Variants in RBMS3 observed in about 807,000 individuals in gnomAD.
The protein encoded by RBMS3 is RNA binding motif single stranded interacting protein 3.
In RBMS3, 27 loss-of-function variants were observed where a neutral mutation model predicts 66.8. The observed-to-expected ratio is 0.40, with a 90% CI of 0.30 to 0.56. The LOEUF is 0.56. RBMS3 is among the 20% of genes least tolerant of loss of function. RBMS3 has a pLI of 0.40. For synonymous variants in RBMS3, 188 were observed against 183.0 expected, an observed-to-expected ratio of 1.03 and a Z score of -0.22; for missense variants, 513 against 549.5, an observed-to-expected ratio of 0.93 and a Z score of 0.66.
At chr3:29,769,166 A>AAATTTAGC (rs1198840548) in intron 6 of RBMS3, among the ~76,000 whole-genome samples, 1 of 151,828 alleles carries the variant, frequency 6.6e-6, no homozygotes, top group Non-Finnish European at 1.5e-5. Context: ...GCCAGGGTTG[A>AAATTTAGC]AATTTAGCAA....
In RBMS3 at chr3:29,936,180, TG is replaced by T; in HGVS notation, c.1037del (p.Gly346AlafsTer13). 6.2e-7 allele frequency: 1 copy of T among 1,612,984 alleles called. No individual in the cohort carries two copies. Among genetic ancestry groups the T allele is most frequent in the Non-Finnish European group, 8.5e-7 (1 of 1,179,388 alleles). ...PLTQQMNHLSLGTTGTIQSQD... is the reference protein window; with the variant it reads ...PLTQQMNHLSXGTTGTIQSQD... ...ACACAGCAGATGAATCACCTTTCGT[TG>T]GGCACAACAGGAACGGTGAGTTGAA... On this transcript the variant is annotated frameshift_variant, in exon 11 of 15. Coordinates refer to ENST00000383767, the MANE Select transcript of RBMS3 (RefSeq NM_001003793.3). LOFTEE classifies it high-confidence loss of function.
chr3:29,482,709 T>TC (rs1249879783), intron 2 of RBMS3, among the ~76,000 whole-genome samples: 16 of 104,212 alleles, frequency 1.5e-4, no homozygotes, highest in African/African-American at 2.4e-4. Context: ...TTCTTTTTTT[T>TC]TTTTTTTTTT....
intron 3 of RBMS3, among the ~76,000 whole-genome samples, chr3:29,511,397 G>A (rs1476529983): frequency 6.6e-6 from 1 of 152,134 alleles, no homozygotes; most frequent in African/African-American, 2.4e-5. Context: ...ATATGAACAG[G>A]CGATAGCATA....
chr3:29,369,081 T>G (rs1375941538), intron 1 of RBMS3, among the ~76,000 whole-genome samples: 1 of 152,102 alleles, frequency 6.6e-6, no homozygotes, highest in Non-Finnish European at 1.5e-5. Flanking sequence ...AAATACCATA[T>G]GTTCTCACTT....
intron 6 of RBMS3, among the ~76,000 whole-genome samples, chr3:29,838,288 A>G (rs2058578481): frequency 6.6e-6 from 1 of 151,922 alleles, no homozygotes; most frequent in South Asian, 2.1e-4. Flanking sequence ...GCAGTGAGAC[A>G]TGAGTGTGCC....
chr3:29,728,103 A>G (rs564409008), intron 4 of RBMS3, among the ~76,000 whole-genome samples: 2 of 152,254 alleles, frequency 1.3e-5, no homozygotes, highest in East Asian at 1.9e-4. Context: ...AACTCACACA[A>G]GAACAGAAAA....
intron 4 of RBMS3, among the ~76,000 whole-genome samples, chr3:29,603,477 A>G (rs974641996): frequency 4.6e-5 from 7 of 151,930 alleles, no homozygotes; most frequent in African/African-American, 7.2e-5. Flanking sequence ...ACCATAGAGG[A>G]CATTTGGCAA....
At chr3:29,946,759 A>G (rs1695343294) in intron 12 of RBMS3, among the ~76,000 whole-genome samples, 1 of 151,644 alleles carries the variant, frequency 6.6e-6, no homozygotes. Flanking sequence ...AGAGATTTGG[A>G]AAACTATGGC....
At chr3:29,744,407 A>G (rs2054780985) in intron 5 of RBMS3, among the ~76,000 whole-genome samples, 1 of 152,196 alleles carries the variant, frequency 6.6e-6, no homozygotes. Flanking sequence ...TATTAGAAAA[A>G]TCTGTGGTAG....
At chr3:29,348,151 T>C (rs1261984981) in intron 1 of RBMS3, among the ~76,000 whole-genome samples, 1 of 152,212 alleles carries the variant, frequency 6.6e-6, no homozygotes, top group Non-Finnish European at 1.5e-5. Context: ...TGCTGCATAC[T>C]TGAAATTTAC....
chr3:29,444,164 T>G (rs1424812539), intron 2 of RBMS3, among the ~76,000 whole-genome samples: 1 of 152,124 alleles, frequency 6.6e-6, no homozygotes, highest in Admixed American at 6.6e-5. Flanking sequence ...AAATCCATAT[T>G]GATGAGACAA....
chr3:29,597,392 G>C (rs552789288), intron 4 of RBMS3, among the ~76,000 whole-genome samples: 21 of 152,268 alleles, frequency 1.4e-4, no homozygotes, highest in Non-Finnish European at 2.9e-4. Flanking sequence ...ACACTATGAT[G>C]TGTATCACTT....
chr3:29,899,328 A>T (rs1414437611), intron 9 of RBMS3, among the ~76,000 whole-genome samples: 1 of 151,698 alleles, frequency 6.6e-6, no homozygotes, highest in Non-Finnish European at 1.5e-5. Flanking sequence ...AAAAAGAGAA[A>T]GTCTTAGCAG....
chr3:29,483,316 A>T (rs893857559), intron 2 of RBMS3, among the ~76,000 whole-genome samples: 1 of 151,434 alleles, frequency 6.6e-6, no homozygotes, highest in Non-Finnish European at 1.5e-5. Context: ...TAACAAAAAA[A>T]AAAAAAAAAG....
chr3:29,920,229 G>GT (rs1346409798), intron 10 of RBMS3, among the ~76,000 whole-genome samples: 1 of 152,098 alleles, frequency 6.6e-6, no homozygotes, highest in African/African-American at 2.4e-5. Context: ...ACTTTTGCTG[G>GT]TAAGTTTTGA....
At chr3:29,529,763 C>T (rs1376042348) in intron 3 of RBMS3, among the ~76,000 whole-genome samples, 1 of 152,102 alleles carries the variant, frequency 6.6e-6, no homozygotes, top group Non-Finnish European at 1.5e-5. Flanking sequence ...ATTTTCTATT[C>T]TGTGAACTGG....
chr3:29,664,821 A>G (rs1382536246), intron 4 of RBMS3, among the ~76,000 whole-genome samples: 3 of 152,210 alleles, frequency 2.0e-5, no homozygotes, highest in Non-Finnish European at 2.9e-5. Context: ...ACTTCTAGGT[A>G]AATGTGGTTT....
chr3:29,810,509 T>C (rs2057699806), intron 6 of RBMS3, among the ~76,000 whole-genome samples: 1 of 152,096 alleles, frequency 6.6e-6, no homozygotes, highest in Admixed American at 6.5e-5. Flanking sequence ...AGAATTGATA[T>C]TGTGAACCAC....
At chr3:29,904,236 A>C (rs575803742) in intron 10 of RBMS3, among the ~76,000 whole-genome samples, 9 of 152,144 alleles carry the variant, frequency 5.9e-5, no homozygotes, top group African/African-American at 2.2e-4. Context: ...AGAAGTGTAT[A>C]GAGTATAAAA....
Sources: gnomAD v4.1 joint callset for allele counts (sites outside exome capture counted in the v4.1 genomes callset) on GRCh38, gnomAD v4.1.1 for gene constraint, MANE v1.5 for transcripts, NCBI Gene and HGNC (gene_info 2026-07-23, HGNC 2026-07-21) for gene names.